Variants in BRCA2 observed in about 807,000 individuals in gnomAD.
The protein encoded by BRCA2 is breast cancer type 2 susceptibility protein.
A neutral mutation model predicts 276.7 loss-of-function variants in BRCA2; 203 were observed. That is an observed-to-expected ratio of 0.73 (90% CI 0.65 to 0.82). BRCA2 has a LOEUF of 0.82. BRCA2 is among the 40% of genes least tolerant of loss of function. BRCA2 has a pLI of 0.00. For missense variants in BRCA2, 3,920 were observed against 3,915.0 expected, an observed-to-expected ratio of 1.00 and a Z score of -0.03; for synonymous variants, 1,289 against 1,338.4, an observed-to-expected ratio of 0.96 and a Z score of 0.81.
At chr13:32,398,076 A>T (rs2137662019) in intron 26 of BRCA2, 86 bp from the exon 27 acceptor site, 2 of 1,443,948 alleles carry the variant, frequency 1.4e-6, no homozygotes, top group African/African-American at 1.4e-5. Flanking sequence ...TTGCGTGCTT[A>T]AATATTTTCA....
At chr13:32,381,700 AG>A (rs2072925311) in intron 24 of BRCA2, among the ~76,000 whole-genome samples, 1 of 152,150 alleles carries the variant, frequency 6.6e-6, no homozygotes, top group South Asian at 2.1e-4. Context: ...GGAAAATTCC[AG>A]GTAGAGGGAC....
intron 19 of BRCA2, 104 bp downstream of exon 19, chr13:32,370,661 G>T (rs111613856): frequency 4.7e-6 from 6 of 1,282,390 alleles, no homozygotes; most frequent in Non-Finnish European, 6.6e-6. Context: ...AGGCTGGAGT[G>T]CAATGGCGTG....
At chr13:32,315,823 C>G (rs1222333274) in intron 1 of BRCA2, among the ~76,000 whole-genome samples, 156 bp downstream of exon 1, 1 of 152,194 alleles carries the variant, frequency 6.6e-6, no homozygotes, top group Non-Finnish European at 1.5e-5. Flanking sequence ...GGTCCTTGCC[C>G]GAAGGCAGAT....
chr13:32,366,098 T>C (rs1235314215), intron 18 of BRCA2, among the ~76,000 whole-genome samples: 1 of 152,154 alleles, frequency 6.6e-6, no homozygotes, highest in Non-Finnish European at 1.5e-5. Context: ...AAAAAAGCAA[T>C]TCCTAAAAAT....
chr13:32,350,936 C>A (rs2072645076), intron 13 of BRCA2, among the ~76,000 whole-genome samples: 1 of 152,050 alleles, frequency 6.6e-6, no homozygotes, highest in South Asian at 2.1e-4. Flanking sequence ...GGATTGTAAA[C>A]ACACCAATCA....
Position 32,357,901 on chromosome 13 carries a change from G to A in BRCA2, c.7777G>A (p.Gly2593Arg). 1 of 1,613,998 alleles carries A rather than the reference G, an allele frequency of 6.2e-7. No individual in the cohort carries two copies. ...TGGATGGCTCATACCCTCCAATGAT[G>A]GAAAGGCTGGAAAAGAAGAATTTTA... ...DGGWLIPSND[G>R]KAGKEEFYRA... The change falls in exon 16 of 27, where the codon GGA becomes AGA. Residue 2593 changes from glycine (G) to arginine (R), a missense_variant. By Grantham distance (125) the Gly-to-Arg change is moderately radical (BLOSUM62 -2). Around this residue, in one of 2 missense-constraint regions of BRCA2, gnomAD observed 3,263 missense variants for 3,156.9 expected, o/e 1.03. Coordinates refer to ENST00000380152, the MANE Select transcript of BRCA2 (RefSeq NM_000059.4).
At chr13:32,344,715 A>C (rs1593912236) in intron 12 of BRCA2, 62 bp downstream of exon 12, 1 of 1,194,866 alleles carries the variant, frequency 8.4e-7, no homozygotes, top group Middle Eastern at 2.4e-4. Context: ...TAATATTCTG[A>C]CCTCAGGTGA....
chr13:32,326,417 GA>G, intron 6 of BRCA2, 81 bp from the exon 7 acceptor site: 1 of 1,442,334 alleles, frequency 6.9e-7, no homozygotes, highest in Non-Finnish European at 9.7e-7. Context: ...AACGTTAAGT[GA>G]AATAAAGAGT....
rs2137482747 is a variant in BRCA2 at position 32,336,391 on chromosome 13, A to G, written c.2036A>G (p.Asn679Ser). 6.2e-7 allele frequency: 1 copy of G among 1,613,084 alleles called. No individual in the cohort carries two copies. The highest frequency in any genetic ancestry group is 8.5e-7 in the Non-Finnish European group (1 of 1,179,770). ...KCSRNETCSN[N>S]TVISQDLDYK... ...TCTAGAAATGAAACATGTTCTAATA[A>G]TACAGTAATCTCTCAGGATCTTGAT... Residue 679 changes from asparagine (N) to serine (S), a missense_variant, in exon 11 of 27, where the codon AAT (asparagine) becomes AGT (serine). Physicochemically the swap from Asn to Ser is conservative, Grantham distance 46. Transcript: ENST00000380152.
At chr13:32,370,782 G>C (rs1428818654) in intron 19 of BRCA2, among the ~76,000 whole-genome samples, 174 bp from the exon 20 acceptor site, 1 of 152,078 alleles carries the variant, frequency 6.6e-6, no homozygotes. Context: ...TGGTAGAGAA[G>C]GGGTTTCATC....
At chr13:32,368,647 A>T (rs964127126) in intron 18 of BRCA2, among the ~76,000 whole-genome samples, 3 of 151,916 alleles carry the variant, frequency 2.0e-5, no homozygotes, top group Non-Finnish European at 2.9e-5. Flanking sequence ...ATAGGGTAGT[A>T]ATGTAGTGAT....
At chr13:32,356,849 C>A (rs549394938) in intron 15 of BRCA2, among the ~76,000 whole-genome samples, 2 of 152,334 alleles carry the variant, frequency 1.3e-5, no homozygotes, top group African/African-American at 2.4e-5. Context: ...CCCTTCAAAT[C>A]TTTCTTATTT....
rs2072686544 is a variant in BRCA2 at position 32,355,428 on chromosome 13, A to C, written c.7435+140A>C. ...TAATGTTTTAGATTTTCTAAATCCA[A>C]AGATTAGGTTTAAATTATTCTAATG... On this transcript the variant is annotated intron_variant, in intron 14 of 26. Coordinates refer to ENST00000380152, the MANE Select transcript of BRCA2 (RefSeq NM_000059.4). 5 of 979,486 alleles carry C rather than the reference A, an allele frequency of 5.1e-6. No individual in the cohort carries two copies. The Admixed American group carries it at 1.3e-4, about 26-fold the overall frequency. The allele number at this position is 979,486 out of a possible 1,614,324, so 60.7% of individuals were successfully genotyped here.
In BRCA2 at chr13:32,325,220, A is replaced by G. The variant is rs201865785; in HGVS notation, c.425+36A>G. The G allele has an allele frequency of 1.7e-5, 24 of 1,399,254 alleles. No individual in the cohort carries two copies. In the Middle Eastern group the frequency reaches 6.6e-4, roughly 39 times the overall value. The allele number at this position is 1,399,254 out of a possible 1,614,324, so 86.7% of individuals were successfully genotyped here. On this transcript the variant is annotated intron_variant, in intron 4 of 26. Transcript: ENST00000380152. ...GCTATTATATTAAAATATTTAAATGAAACATTTTCCTACATATATTTGTTC... is the reference window on the plus strand; with the variant it reads ...GCTATTATATTAAAATATTTAAATGGAACATTTTCCTACATATATTTGTTC...
At position 32,332,572 on chromosome 13, in the gene BRCA2, C is replaced by T. The variant is rs730881578; in HGVS notation, c.1094C>T (p.Pro365Leu). The change falls in exon 10 of 27, where the codon CCA becomes CTA. Residue 365 changes from proline (P) to leucine (L), a missense_variant. Coordinates refer to ENST00000380152, the MANE Select transcript of BRCA2 (RefSeq NM_000059.4). ...VSEVEPNDTD[P>L]LDSNVANQKP... ...GAAGTGGAACCAAATGATACTGATC[C>T]ATTAGATTCAAATGTAGCAAATCAG... 6 of 1,612,622 alleles carry T rather than the reference C, an allele frequency of 3.7e-6. No individual in the cohort carries two copies. The Admixed American group carries it at 1.0e-4, about 27-fold the overall frequency.
At position 32,344,628 on chromosome 13, in the gene BRCA2, A is replaced by G; in HGVS notation, c.6912A>G (p.Leu2304=). The G allele has an allele frequency of 6.3e-7, 1 of 1,579,418 alleles. No individual in the cohort carries two copies. The highest frequency in any genetic ancestry group is 8.7e-7 in the Non-Finnish European group (1 of 1,148,862). The change falls in exon 12 of 27, where the codon TTA becomes TTG. Residue 2304 remains leucine, a synonymous_variant. Transcript: ENST00000380152. ...TAATAGAAAATCAAGAAAAATCCTT[A>G]AAGGCTTCAAAAAGCACTCCAGATG... ...DRIIENQEKS[L]KASKSTPDGT... is the part of the protein sequence containing the mutation.
intron 21 of BRCA2, 109 bp downstream of exon 21, chr13:32,376,900 C>A: frequency 6.8e-7 from 1 of 1,460,322 alleles, no homozygotes; most frequent in South Asian, 1.2e-5. Context: ...TGCTGCATTT[C>A]TCAAAAGGGA....
intron 24 of BRCA2, among the ~76,000 whole-genome samples, chr13:32,388,730 A>C (rs545128778): frequency 6.6e-6 from 1 of 151,656 alleles, no homozygotes; most frequent in Non-Finnish European, 1.5e-5. Context: ...AATTAAGTCA[A>C]ATTGATTAAT....
At chr13:32,333,842 G>C (rs1472272262) in intron 10 of BRCA2, among the ~76,000 whole-genome samples, 1 of 152,020 alleles carries the variant, frequency 6.6e-6, no homozygotes, top group Non-Finnish European at 1.5e-5. Context: ...TCATTGTTCA[G>C]CTCCCACTTA....
Sources: gnomAD v4.1 joint callset for allele counts (sites outside exome capture counted in the v4.1 genomes callset) on GRCh38, gnomAD v4.1.1 for gene constraint, gnomAD v4.1.1 regional missense constraint, MANE v1.5 for transcripts, NCBI Gene and HGNC (gene_info 2026-07-23, HGNC 2026-07-21) for gene names.